KAZN: variants seen among roughly 807,000 people sequenced by gnomAD.
KAZN encodes kazrin.
A neutral mutation model predicts 87.4 loss-of-function variants in KAZN; 40 were observed. The observed-to-expected ratio is 0.46, with a 90% CI of 0.36 to 0.60. The LOEUF (loss-of-function observed/expected upper bound fraction) is 0.60, where lower values mean the gene tolerates loss of function less well. Among genes scored for constraint, KAZN ranks in the 20% least tolerant of loss-of-function variants. The probability of loss-of-function intolerance (pLI) is 0.00; values close to 1 mark genes in which losing one functional copy is unlikely to be tolerated. For synonymous variants in KAZN, 466 were observed against 458.3 expected, an observed-to-expected ratio of 1.02 and a Z score of -0.22; for missense variants, 898 against 1,073.9, an observed-to-expected ratio of 0.84 and a Z score of 2.29.
intron 1 of KAZN, among the ~76,000 whole-genome samples, chr1:14,082,648 C>T (rs973705757): frequency 5.3e-5 from 8 of 152,188 alleles, no homozygotes; most frequent in Non-Finnish European, 8.8e-5. Context: ...CATGAAGCAG[C>T]AGTTAATGTG....
chr1:14,528,807 C>G (rs1672053757), intron 2 of KAZN, among the ~76,000 whole-genome samples: 1 of 149,878 alleles, frequency 6.7e-6, no homozygotes. Flanking sequence ...CTCTTCTTTT[C>G]TCCAGGCTGC....
intron 2 of KAZN, among the ~76,000 whole-genome samples, chr1:14,197,696 C>G (rs531233919): frequency 7.9e-5 from 12 of 152,176 alleles, no homozygotes; most frequent in African/African-American, 2.6e-4. Flanking sequence ...TCAAACAAAA[C>G]AATAACAACA....
intron 2 of KAZN, among the ~76,000 whole-genome samples, chr1:14,523,299 C>G (rs1410352918): frequency 6.6e-6 from 1 of 152,182 alleles, no homozygotes; most frequent in East Asian, 1.9e-4. Context: ...TCATGTCCCT[C>G]CCAGAGTTGC....
At chr1:14,086,531 A>T (rs1197269242) in intron 1 of KAZN, among the ~76,000 whole-genome samples, 2 of 152,188 alleles carry the variant, frequency 1.3e-5, no homozygotes, top group East Asian at 3.8e-4. Context: ...TTTAATTTTG[A>T]TGTTAAATTT....
intron 1 of KAZN, among the ~76,000 whole-genome samples, chr1:14,947,357 C>T (rs1031815026): frequency 5.9e-5 from 9 of 152,146 alleles, no homozygotes; most frequent in East Asian, 3.9e-4. Context: ...CAGTGCCACC[C>T]GGGGCTTGCT....
chr1:15,038,673 C>T (rs1302783019), intron 3 of KAZN, among the ~76,000 whole-genome samples: 2 of 151,916 alleles, frequency 1.3e-5, no homozygotes, highest in South Asian at 4.2e-4. Context: ...CTGTTTAAGG[C>T]ATGAACATGA....
At chr1:14,001,884 A>G (rs990899551) in intron 1 of KAZN, among the ~76,000 whole-genome samples, 21 of 152,238 alleles carry the variant, frequency 1.4e-4, no homozygotes, top group Non-Finnish European at 2.6e-4. Flanking sequence ...GTAAAACCCC[A>G]AACCATAAAA....
chr1:14,718,500 AT>A (rs1642924366), intron 1 of KAZN, among the ~76,000 whole-genome samples: 1 of 152,152 alleles, frequency 6.6e-6, no homozygotes, highest in Non-Finnish European at 1.5e-5. Context: ...ATTGCTGACA[AT>A]TTTCACAAAT....
intron 1 of KAZN, among the ~76,000 whole-genome samples, chr1:14,681,657 ATTTTTTTTTTTTTTTTTTTTTT>A (rs570137678): frequency 2.3e-4 from 2 of 8,534 alleles, no homozygotes; most frequent in East Asian, 0.013. Flanking sequence ...ATATATATAT[ATTTTTTTTTTTTTTTTTTTTTT>A]TTTTTTTTTT....
At chr1:15,093,219 T>C (rs1640637376) in intron 8 of KAZN, among the ~76,000 whole-genome samples, 1 of 152,026 alleles carries the variant, frequency 6.6e-6, no homozygotes, top group African/African-American at 2.4e-5. Context: ...ATATCACAAA[T>C]GCACACACCT....
chr1:14,369,821 T>C (rs1340225690), intron 2 of KAZN, among the ~76,000 whole-genome samples: 1 of 152,188 alleles, frequency 6.6e-6, no homozygotes, highest in African/African-American at 2.4e-5. Context: ...ACTAAAAACA[T>C]GTAAATCTCA....
intron 1 of KAZN, among the ~76,000 whole-genome samples, chr1:14,848,143 C>A (rs553085478): frequency 2.6e-5 from 4 of 152,338 alleles, no homozygotes; most frequent in Middle Eastern, 6.8e-3. Context: ...CCTCTTGCAG[C>A]TTCTTCCTTC....
At chr1:15,053,839 G>A (rs1420205946) in intron 4 of KAZN, among the ~76,000 whole-genome samples, 2 of 152,212 alleles carry the variant, frequency 1.3e-5, no homozygotes, top group African/African-American at 2.4e-5. Context: ...CCAGGTTGGC[G>A]GGGCAAGGCT....
In KAZN at chr1:13,905,853, C is replaced by T. The variant is rs115174930; in HGVS notation, c.91+12097C>T. Among the ~76,000 whole-genome samples the T allele has an allele frequency of 1.1e-3, 168 of 152,210 alleles. 1 individual carries two copies. The highest frequency in any genetic ancestry group is 3.4e-3 in the Middle Eastern group (1 of 294). On this transcript the variant is annotated intron_variant, in intron 1 of 16. Coordinates refer to the KAZN transcript ENST00000636203. Reference sequence around the variant, plus strand: ...TTACCACAACCTCGGTGACTTAAAACGACAGAAACATATTATCTCATTGTT... The same window carrying T: ...TTACCACAACCTCGGTGACTTAAAATGACAGAAACATATTATCTCATTGTT...
intron 1 of KAZN, among the ~76,000 whole-genome samples, chr1:14,825,719 A>C (rs775393315): frequency 3.9e-5 from 6 of 152,138 alleles, no homozygotes; most frequent in Non-Finnish European, 8.8e-5. Context: ...AGCTGCATTC[A>C]TCCCATTGTC....
intron 2 of KAZN, among the ~76,000 whole-genome samples, chr1:14,405,432 A>C (rs766629740): frequency 2.0e-5 from 3 of 152,196 alleles, no homozygotes; most frequent in Non-Finnish European, 2.9e-5. Flanking sequence ...GAGTCTTGGC[A>C]GTCCTATAAG....
chr1:14,254,392 G>A (rs564019173), intron 2 of KAZN, among the ~76,000 whole-genome samples: 8 of 152,296 alleles, frequency 5.3e-5, no homozygotes, highest in African/African-American at 1.4e-4. Flanking sequence ...TCTCCACGTC[G>A]TTTTGCAGAA....
At chr1:14,525,002 AACCCCAT>A (rs1472689486) in intron 2 of KAZN, among the ~76,000 whole-genome samples, 3 of 152,254 alleles carry the variant, frequency 2.0e-5, no homozygotes, top group African/African-American at 7.2e-5. Flanking sequence ...ATCTACTCCA[AACCCCAT>A]GTGGGGCAGG....
At chr1:14,027,486 C>T (rs992356610) in intron 1 of KAZN, among the ~76,000 whole-genome samples, 2 of 151,956 alleles carry the variant, frequency 1.3e-5, no homozygotes, top group East Asian at 3.9e-4. Flanking sequence ...CCGGCTTCTG[C>T]CCCCCCGCCA....
Sources: allele counts gnomAD v4.1 joint callset (sites outside exome capture counted in the v4.1 genomes callset), GRCh38; gene constraint gnomAD v4.1.1; transcripts MANE v1.5; gene names NCBI Gene and HGNC (gene_info 2026-07-23, HGNC 2026-07-21).